The following PIGU variants were observed in gnomAD, a reference collection of about 807,000 sequenced individuals.
PIGU encodes the protein phosphatidylinositol glycan anchor biosynthesis class U, also known as GPI-anchor transamidase component PIGU.
Under a neutral mutation model 49.9 loss-of-function variants are expected in PIGU, and 24 were observed. The observed-to-expected ratio is 0.48, with a 90% CI of 0.35 to 0.68. The LOEUF is 0.68. Among genes scored for constraint, PIGU ranks in the 30% least tolerant of loss-of-function variants. The probability of loss-of-function intolerance (pLI) is 0.01; values close to 1 mark genes in which losing one functional copy is unlikely to be tolerated. For synonymous variants in PIGU, 220 were observed against 205.7 expected (o/e 1.07, Z -0.59); for missense variants, 490 against 532.6 (o/e 0.92, Z 0.79).
At chr20:34,571,597 T>C (rs2146695770) in intron 11 of PIGU, among the ~76,000 whole-genome samples, 1 of 152,080 alleles carries the variant, frequency 6.6e-6, no homozygotes, top group Non-Finnish European at 1.5e-5. Context: ...CAGCAGGATA[T>C]GGAACTGAGA....
intron 7 of PIGU, among the ~76,000 whole-genome samples, chr20:34,611,668 C>CAAAAAAAAAAAAAAAAAAAAAAAAA (rs149027105): frequency 9.4e-6 from 1 of 106,474 alleles, no homozygotes; most frequent in Non-Finnish European, 1.9e-5. Context: ...AAAAAAAAGA[C>CAAAAAAAAAAAAAAAAAAAAAAAAA]AAAAAAAAAA....
intron 2 of PIGU, among the ~76,000 whole-genome samples, chr20:34,651,658 C>G (rs1464258357): frequency 6.6e-6 from 1 of 152,176 alleles, no homozygotes; most frequent in Non-Finnish European, 1.5e-5. Flanking sequence ...TTTTAGCGAG[C>G]CCATGCTGAT....
intron 1 of PIGU, among the ~76,000 whole-genome samples, chr20:34,664,162 G>C (rs1417225304): frequency 6.6e-6 from 1 of 152,000 alleles, no homozygotes; most frequent in Non-Finnish European, 1.5e-5. Context: ...ACATTTTTTT[G>C]TCTTTCTTTT....
intron 6 of PIGU, among the ~76,000 whole-genome samples, chr20:34,620,834 C>CA (rs1395046729): frequency 2.1e-5 from 3 of 139,554 alleles, no homozygotes; most frequent in East Asian, 2.1e-4. Flanking sequence ...AAAAAAAAAA[C>CA]AAAAAAAACA....
rs545179276 is a variant in PIGU at position 34,661,773 on chromosome 20, A to G, written c.131-4529T>C. 4.5e-4 allele frequency among the ~76,000 whole-genome samples: 68 copies of G among 152,150 alleles called. 1 individual carries two copies. The highest frequency in any genetic ancestry group is 1.6e-3 in the African/African-American group (68 of 41,526). ...GGTCGAATGGCAGTTCTGTTTTAGG[A>G]TCTTTGAGAAATCTTCAAACTGCTT... On this transcript the variant is annotated intron_variant, in intron 1 of 11. Transcript: ENST00000217446.
At chr20:34,626,565 A>G (rs1321290990) in intron 6 of PIGU, among the ~76,000 whole-genome samples, 1 of 152,144 alleles carries the variant, frequency 6.6e-6, no homozygotes, top group Non-Finnish European at 1.5e-5. Context: ...GGCATCCCAA[A>G]GTGCTGGGAA....
chr20:34,562,736 A>G (rs1411174799), intron 11 of PIGU, among the ~76,000 whole-genome samples: 1 of 152,244 alleles, frequency 6.6e-6, no homozygotes, highest in African/African-American at 2.4e-5. Context: ...TCACAGCGTC[A>G]GCAAAGCAGA....
intron 7 of PIGU, among the ~76,000 whole-genome samples, chr20:34,613,475 T>C (rs559196299): frequency 2.8e-4 from 43 of 152,238 alleles, no homozygotes; most frequent in South Asian, 1.2e-3. Flanking sequence ...AAGTGGTGCA[T>C]AGAGATTGGC....
chr20:34,635,508 G>T (rs1355628579), intron 5 of PIGU, among the ~76,000 whole-genome samples: 1 of 152,180 alleles, frequency 6.6e-6, no homozygotes, highest in South Asian at 2.1e-4. Flanking sequence ...TTGTGAGTAG[G>T]GAAATCTTAG....
chr20:34,563,495 G>A, intron 11 of PIGU, among the ~76,000 whole-genome samples: 1 of 152,280 alleles, frequency 6.6e-6, no homozygotes, highest in East Asian at 1.9e-4. Context: ...TTGAACCTGG[G>A]AGGCGGAGAT....
chr20:34,624,981 G>A (rs182927304), intron 6 of PIGU, among the ~76,000 whole-genome samples: 2 of 152,302 alleles, frequency 1.3e-5, no homozygotes, highest in East Asian at 3.9e-4. Context: ...AGTCTGGGGA[G>A]CATTGCTAAG....
chr20:34,576,715 G>GGGCTCCA, intron 10 of PIGU, among the ~76,000 whole-genome samples: 1 of 152,094 alleles, frequency 6.6e-6, no homozygotes, highest in South Asian at 2.1e-4. Context: ...TCGAATTCCT[G>GGGCTCCA]GGCTCCAGGG....
At chr20:34,673,098 C>CA (rs1408769733) in intron 1 of PIGU, among the ~76,000 whole-genome samples, 1 of 151,538 alleles carries the variant, frequency 6.6e-6, no homozygotes, top group Admixed American at 6.6e-5. Flanking sequence ...ACTAAAAATA[C>CA]AAAAAATTAA....
At chr20:34,565,588 C>G (rs889528237) in intron 11 of PIGU, among the ~76,000 whole-genome samples, 1 of 152,016 alleles carries the variant, frequency 6.6e-6, no homozygotes, top group Admixed American at 6.6e-5. Context: ...CCAGTTAGGA[C>G]CCCAGAACAT....
At chr20:34,644,271 G>A in intron 3 of PIGU, 45 bp from the exon 4 acceptor site, 1 of 1,489,868 alleles carries the variant, frequency 6.7e-7, no homozygotes, top group African/African-American at 1.4e-5. Context: ...CACAGTAAGT[G>A]TAAGAGTACT....
intron 7 of PIGU, among the ~76,000 whole-genome samples, chr20:34,604,474 ATATAT>A (rs1271986717): frequency 6.6e-6 from 1 of 152,224 alleles, no homozygotes; most frequent in Non-Finnish European, 1.5e-5. Context: ...TGCATGACAG[ATATAT>A]TAGAGGAAAC....
chr20:34,676,927 T>A, intron 1 of PIGU, 29 bp downstream of exon 1: 1 of 1,558,056 alleles, frequency 6.4e-7, no homozygotes, highest in Non-Finnish European at 8.7e-7. Flanking sequence ...AGGTGGGGCC[T>A]GACAGTCTGC....
rs138761090 is a variant in PIGU, at chr20:34,602,989, G to T, written c.627+13053C>A. Reference sequence around the variant, plus strand: ...TTAAAATTTTTGATACAATTTTTAAGTCTCTTAATTCATAATTCCTCCACT... The same window carrying T: ...TTAAAATTTTTGATACAATTTTTAATTCTCTTAATTCATAATTCCTCCACT... On this transcript the variant is annotated intron_variant, in intron 7 of 11. Coordinates refer to ENST00000217446, the MANE Select transcript of PIGU (RefSeq NM_080476.5). Among the ~76,000 whole-genome samples, 62 of 150,412 alleles carry T rather than the reference G, an allele frequency of 4.1e-4. 2 individuals carry two copies. In the East Asian group the frequency reaches 7.4e-3, roughly 18 times the overall value.
At chr20:34,599,830 C>T (rs1984347045) in intron 7 of PIGU, among the ~76,000 whole-genome samples, 1 of 152,200 alleles carries the variant, frequency 6.6e-6, no homozygotes, top group Non-Finnish European at 1.5e-5. Flanking sequence ...ATGGCCCCCC[C>T]TGTAAGCTTT....
Sources: allele counts gnomAD v4.1 joint callset (sites outside exome capture counted in the v4.1 genomes callset), GRCh38; gene constraint gnomAD v4.1.1; transcripts MANE v1.5; gene names NCBI Gene and HGNC (gene_info 2026-07-23, HGNC 2026-07-21).